MITF: variants seen among roughly 807,000 people sequenced by gnomAD.
MITF encodes the protein microphthalmia-associated transcription factor.
MITF carries 17 observed loss-of-function variants against 60.5 expected under a neutral mutation model. The observed-to-expected ratio is 0.28, with a 90% CI of 0.19 to 0.42. The LOEUF (loss-of-function observed/expected upper bound fraction) is 0.42, where lower values mean the gene tolerates loss of function less well. MITF is among the 10% of genes least tolerant of loss of function. MITF has a pLI of 1.00. For synonymous variants in MITF, 260 were observed against 248.5 expected (o/e 1.05, Z -0.43); for missense variants, 622 against 683.5 (o/e 0.91, Z 1.00).
At chr3:69,757,209 G>T (rs1284781747) in intron 1 of MITF, among the ~76,000 whole-genome samples, 2 of 152,072 alleles carry the variant, frequency 1.3e-5, no homozygotes, top group African/African-American at 4.8e-5. Flanking sequence ...CCAATTAAAG[G>T]AATGCATATT....
intron 1 of MITF, among the ~76,000 whole-genome samples, chr3:69,764,376 A>C (rs987810227): frequency 6.6e-6 from 1 of 152,212 alleles, no homozygotes; most frequent in African/African-American, 2.4e-5. Flanking sequence ...TTCTTAAATT[A>C]CAGCTGGTGG....
chr3:69,849,125 CG>C (rs1361576041), intron 1 of MITF, among the ~76,000 whole-genome samples: 1 of 151,070 alleles, frequency 6.6e-6, no homozygotes, highest in African/African-American at 2.4e-5. Flanking sequence ...CCACTACGCC[CG>C]GCTAATTTTT....
chr3:69,745,594 C>T (rs1703693230), intron 1 of MITF, among the ~76,000 whole-genome samples: 1 of 152,306 alleles, frequency 6.6e-6, no homozygotes, highest in African/African-American at 2.4e-5. Flanking sequence ...CTAAAGTAGA[C>T]ATTTAGGGTT....
At chr3:69,929,018 A>G (rs769291892) in intron 2 of MITF, among the ~76,000 whole-genome samples, 1 of 152,180 alleles carries the variant, frequency 6.6e-6, no homozygotes, top group Non-Finnish European at 1.5e-5. Flanking sequence ...CTGTGAATCA[A>G]CTGCCTGGCC....
chr3:69,921,017 G>A (rs1375716724), intron 2 of MITF, among the ~76,000 whole-genome samples: 3 of 152,226 alleles, frequency 2.0e-5, no homozygotes, highest in East Asian at 1.9e-4. Context: ...ACAGGCACAC[G>A]CCACCATGCC....
chr3:69,894,210 G>A (rs1311946130), intron 2 of MITF, among the ~76,000 whole-genome samples: 1 of 152,156 alleles, frequency 6.6e-6, no homozygotes, highest in Admixed American at 6.5e-5. Flanking sequence ...TCGCCCCTAA[G>A]CCACAGGGCC....
intron 2 of MITF, among the ~76,000 whole-genome samples, chr3:69,891,394 G>A (rs2064756333): frequency 1.3e-5 from 2 of 152,136 alleles, no homozygotes; most frequent in South Asian, 2.1e-4. Context: ...ACCTCAAATG[G>A]TGGAAAGCAT....
At chr3:69,772,236 G>C (rs1405078612) in intron 1 of MITF, among the ~76,000 whole-genome samples, 1 of 152,048 alleles carries the variant, frequency 6.6e-6, no homozygotes, top group East Asian at 1.9e-4. Flanking sequence ...ATCTACCCTT[G>C]GTTCCTACTG....
At chr3:69,795,008 T>C (rs1368545892) in intron 1 of MITF, among the ~76,000 whole-genome samples, 1 of 152,216 alleles carries the variant, frequency 6.6e-6, no homozygotes, top group African/African-American at 2.4e-5. Flanking sequence ...CTACTCATTA[T>C]GGTGGGCATT....
At chr3:69,855,275 A>C (rs1176412193) in intron 1 of MITF, among the ~76,000 whole-genome samples, 1 of 151,548 alleles carries the variant, frequency 6.6e-6, no homozygotes, top group African/African-American at 2.4e-5. Context: ...AAAAAAAAAA[A>C]AAAACACTTA....
chr3:69,885,841 A>G (rs181305674), intron 2 of MITF, among the ~76,000 whole-genome samples: 2 of 152,232 alleles, frequency 1.3e-5, no homozygotes, highest in East Asian at 1.9e-4. Flanking sequence ...TGTGATGCCT[A>G]TATTCTGTCT....
chr3:69,841,435 A>T (rs1026873243), intron 1 of MITF, among the ~76,000 whole-genome samples: 1 of 152,240 alleles, frequency 6.6e-6, no homozygotes, highest in African/African-American at 2.4e-5. Context: ...AATTTGCAGG[A>T]CACTAATAAT....
At chr3:69,913,886 C>CACAATGGATTTTTTTTTTTT (rs2065276557) in intron 2 of MITF, among the ~76,000 whole-genome samples, 1 of 152,088 alleles carries the variant, frequency 6.6e-6, no homozygotes, top group Non-Finnish European at 1.5e-5. Flanking sequence ...TGATATAGTG[C>CACAATGGATTTTTTTTTTTT]TTTTTATTAA....
chr3:69,860,745 T>C (rs1485309152), intron 1 of MITF, among the ~76,000 whole-genome samples: 1 of 152,230 alleles, frequency 6.6e-6, no homozygotes, highest in African/African-American at 2.4e-5. Flanking sequence ...ATAAATATCT[T>C]AACCATTCTT....
intron 1 of MITF, chr3:69,778,863 C>G (rs2062518377): frequency 6.6e-6 from 1 of 152,026 alleles, no homozygotes; most frequent in African/African-American, 2.4e-5. Flanking sequence ...GTGGACCTCT[C>G]TGGGTTTCGA....
chr3:69,784,677 A>C (rs1275432526), intron 1 of MITF, among the ~76,000 whole-genome samples: 1 of 152,164 alleles, frequency 6.6e-6, no homozygotes, highest in African/African-American at 2.4e-5. Context: ...TCTCCACTCT[A>C]ATCCATGGTA....
chr3:69,953,467 G>C (rs1244677296), intron 7 of MITF, among the ~76,000 whole-genome samples: 1 of 151,764 alleles, frequency 6.6e-6, no homozygotes, highest in Admixed American at 6.6e-5. Context: ...ATTGCCCCTT[G>C]GTCAAGCTGT....
intron 1 of MITF, among the ~76,000 whole-genome samples, chr3:69,760,900 A>G (rs984245914): frequency 2.6e-5 from 4 of 152,218 alleles, no homozygotes; most frequent in African/African-American, 9.6e-5. Flanking sequence ...TATTGTAAAC[A>G]TTAACTGAGT....
chr3:69,770,265 A>G (rs1675279510), intron 1 of MITF, among the ~76,000 whole-genome samples: 1 of 152,112 alleles, frequency 6.6e-6, no homozygotes, highest in Admixed American at 6.5e-5. Context: ...AAATTCTGAA[A>G]TGTTCTAGTG....
Sources: gnomAD v4.1 joint callset for allele counts (sites outside exome capture counted in the v4.1 genomes callset) on GRCh38, gnomAD v4.1.1 for gene constraint, MANE v1.5 for transcripts, NCBI Gene and HGNC (gene_info 2026-07-23, HGNC 2026-07-21) for gene names.